Variants in LDLRAD4 observed in about 807,000 individuals in gnomAD.
LDLRAD4 encodes the protein low-density lipoprotein receptor class A domain-containing protein 4.
Under a neutral mutation model 17.0 loss-of-function variants are expected in LDLRAD4, and 5 were observed. The ratio of observed to expected loss-of-function variants is 0.29; its 90% CI spans 0.15 to 0.62. The LOEUF is 0.62. Among genes scored for constraint, LDLRAD4 ranks in the 20% least tolerant of loss-of-function variants. LDLRAD4 has a pLI of 0.84. For missense variants in LDLRAD4, 340 were observed against 424.7 expected (o/e 0.80, Z 1.75); for synonymous variants, 168 against 171.8 (o/e 0.98, Z 0.17).
intron 1 of LDLRAD4, among the ~76,000 whole-genome samples, chr18:13,347,417 T>TGTAGA (rs2082757050): frequency 1.3e-5 from 2 of 152,242 alleles, no homozygotes; most frequent in African/African-American, 2.4e-5. Flanking sequence ...TCTTCTGGCT[T>TGTAGA]GTAGAGTTTC....
chr18:13,351,746 C>A (rs902811835), intron 1 of LDLRAD4, among the ~76,000 whole-genome samples: 2 of 152,224 alleles, frequency 1.3e-5, no homozygotes, highest in Non-Finnish European at 2.9e-5. Context: ...GAAGGGACTC[C>A]TCCTTAACTC....
chr18:13,641,500 C>CAGG (rs2042555637), intron 4 of LDLRAD4, among the ~76,000 whole-genome samples: 1 of 152,246 alleles, frequency 6.6e-6, no homozygotes, highest in South Asian at 2.1e-4. Flanking sequence ...TTAAGATAGT[C>CAGG]CTTGCATTCA....
chr18:13,641,896 G>T (rs1249682039), intron 4 of LDLRAD4: 1 of 985,488 alleles, frequency 1.0e-6, no homozygotes, highest in African/African-American at 1.7e-5. Context: ...TGAGTGCCCC[G>T]CAGATGGACC....
At chr18:13,288,440 T>G (rs2045758097) in intron 1 of LDLRAD4, among the ~76,000 whole-genome samples, 1 of 152,254 alleles carries the variant, frequency 6.6e-6, no homozygotes, top group Non-Finnish European at 1.5e-5. Context: ...AAGAAAAATT[T>G]AGTTGCTAAT....
intron 3 of LDLRAD4, among the ~76,000 whole-genome samples, chr18:13,481,405 C>T (rs1323158267): frequency 2.6e-5 from 4 of 152,178 alleles, no homozygotes; most frequent in Admixed American, 1.3e-4. Context: ...GCCTGAGAAG[C>T]GGGGGCACGT....
chr18:13,578,315 C>T (rs1465759804), intron 3 of LDLRAD4, among the ~76,000 whole-genome samples: 3 of 152,180 alleles, frequency 2.0e-5, no homozygotes, highest in Non-Finnish European at 4.4e-5. Flanking sequence ...CTAATTTTAA[C>T]TGTTATTTAT....
Position 13,645,626 on chromosome 18 carries a change from G to A in LDLRAD4, c.890G>A (p.Gly297Asp), listed in dbSNP as rs773588571. 8 of 1,517,696 alleles carry A rather than the reference G, an allele frequency of 5.3e-6. No homozygotes were observed. In the South Asian group the frequency reaches 6.6e-5, roughly 13 times the overall value. 94.0% of individuals were successfully genotyped at this position (1,517,696 alleles called of 1,614,324 possible). A position where few individuals can be genotyped will look rare whatever the true frequency, so the allele number is the denominator to read the frequency against. Reference sequence around the variant, plus strand: ...GAGAGCACAATAGTACCCATCAAAGGCAAAGATAGGAAGCCTGGGAACCTG... The same window carrying A: ...GAGAGCACAATAGTACCCATCAAAGACAAAGATAGGAAGCCTGGGAACCTG... Residue 297 changes from glycine (G) to aspartate (D), a missense_variant, in exon 6 of 6, where the codon GGC (glycine) becomes GAC (aspartate). By Grantham distance (94) the Gly-to-Asp change is moderately conservative. Transcript: ENST00000359446. The surrounding 1 kb of genome is among the most constrained non-coding windows in gnomAD (Gnocchi z 5.7).
intron 1 of LDLRAD4, among the ~76,000 whole-genome samples, chr18:13,282,465 G>T (rs1473682943): frequency 2.6e-5 from 4 of 152,196 alleles, no homozygotes; most frequent in Non-Finnish European, 5.9e-5. Context: ...ACAAATGGGA[G>T]AAATTGGCCA....
chr18:13,266,041 C>A (rs2044197625), intron 1 of LDLRAD4, among the ~76,000 whole-genome samples: 1 of 152,266 alleles, frequency 6.6e-6, no homozygotes, highest in African/African-American at 2.4e-5. Flanking sequence ...AATACGGATT[C>A]CTGGACTCCA....
chr18:13,490,780 A>C (rs1005690772), intron 3 of LDLRAD4: 2 of 152,228 alleles, frequency 1.3e-5, no homozygotes, highest in Non-Finnish European at 2.9e-5. Flanking sequence ...AAAAGCATGC[A>C]GCATGGCCCA....
chr18:13,375,682 T>C (rs1181269194), intron 1 of LDLRAD4, among the ~76,000 whole-genome samples: 2 of 152,128 alleles, frequency 1.3e-5, no homozygotes, highest in African/African-American at 4.8e-5. Flanking sequence ...GAGTGTTCAG[T>C]TATGGAGTGG....
intron 1 of LDLRAD4, among the ~76,000 whole-genome samples, chr18:13,270,511 G>A (rs2044473761): frequency 6.6e-6 from 1 of 152,234 alleles, no homozygotes. Context: ...TCACAGCACT[G>A]GAAGCCAAGG....
intron 1 of LDLRAD4, among the ~76,000 whole-genome samples, chr18:13,361,922 G>A (rs536155710): frequency 1.9e-4 from 29 of 152,204 alleles, no homozygotes; most frequent in South Asian, 4.2e-4. Context: ...ACTGCATGAA[G>A]GTTTAATAGG....
At chr18:13,463,278 T>C (rs972043937) in intron 3 of LDLRAD4, among the ~76,000 whole-genome samples, 13 of 152,170 alleles carry the variant, frequency 8.5e-5, no homozygotes, top group African/African-American at 1.4e-4. Flanking sequence ...TCCTTTTCTC[T>C]ATTCCCTTCC....
chr18:13,367,303 T>G lies in LDLRAD4; in HGVS notation c.-382-20038T>G, dbSNP rs1312551259. ...CCGCTGTGGCAGCGTGAGGGAGTTT[T>G]GTCAGGTGGTGTGATTGGCAGGTGG... On this transcript the variant is annotated intron_variant, in intron 1 of 5. Coordinates refer to ENST00000359446, the Ensembl canonical transcript of LDLRAD4. The surrounding 1 kb of genome is among the most constrained non-coding windows in gnomAD (Gnocchi z 4.1). Among the ~76,000 whole-genome samples the G allele has an allele frequency of 1.3e-5, 2 of 152,070 alleles. No individual in the cohort carries two copies. The highest frequency in any genetic ancestry group is 4.8e-5 in the African/African-American group (2 of 41,394).
intron 3 of LDLRAD4, among the ~76,000 whole-genome samples, chr18:13,549,734 T>C (rs1490913229): frequency 6.6e-6 from 1 of 152,032 alleles, no homozygotes; most frequent in African/African-American, 2.4e-5. Flanking sequence ...AGCAGCACCC[T>C]ATGCAGCTGG....
intron 3 of LDLRAD4, among the ~76,000 whole-genome samples, chr18:13,456,020 G>A (rs2092114564): frequency 6.6e-6 from 1 of 152,116 alleles, no homozygotes; most frequent in Admixed American, 6.6e-5. Flanking sequence ...TGCATTGTTA[G>A]GAAACGTGTC....
intron 3 of LDLRAD4, among the ~76,000 whole-genome samples, chr18:13,524,059 A>AG (rs1399822782): frequency 1.3e-5 from 2 of 152,218 alleles, no homozygotes; most frequent in African/African-American, 4.8e-5. Flanking sequence ...CAGATGCCTC[A>AG]GAAGAGCTTC....
intron 1 of LDLRAD4, among the ~76,000 whole-genome samples, chr18:13,312,189 T>C (rs920458440): frequency 1.3e-5 from 2 of 152,146 alleles, no homozygotes; most frequent in Non-Finnish European, 2.9e-5. Context: ...CAGCTGACCA[T>C]GGTGCCGGGT....
Sources: allele counts gnomAD v4.1 joint callset (sites outside exome capture counted in the v4.1 genomes callset), GRCh38; gene constraint gnomAD v4.1.1; non-coding constraint Gnocchi (gnomAD v3.1); transcripts MANE v1.5; gene names NCBI Gene and HGNC (gene_info 2026-07-23, HGNC 2026-07-21).